Variants in SEMA5A observed in about 807,000 individuals in gnomAD.
SEMA5A encodes the protein semaphorin-5A.
SEMA5A carries 55 observed loss-of-function variants against 135.5 expected under a neutral mutation model. The ratio of observed to expected loss-of-function variants is 0.41; its 90% confidence interval spans 0.33 to 0.51. The LOEUF (loss-of-function observed/expected upper bound fraction) is 0.51, where lower values mean the gene tolerates loss of function less well. Among genes scored for constraint, SEMA5A ranks in the 20% least tolerant of loss-of-function variants. SEMA5A has a pLI of 0.37. For missense variants in SEMA5A, 1,290 were observed against 1,419.9 expected (o/e 0.91, Z 1.47); for synonymous variants, 580 against 546.5 (o/e 1.06, Z -0.85).
chr5:9,293,125 T>A (rs748972157), intron 5 of SEMA5A, among the ~76,000 whole-genome samples: 1 of 152,218 alleles, frequency 6.6e-6, no homozygotes, highest in Non-Finnish European at 1.5e-5. Flanking sequence ...ACTACCACTG[T>A]TCATTTTTCA....
chr5:9,202,373 AGGCC>A, intron 8 of SEMA5A, 133 bp from the exon 9 acceptor site: 11 of 736,780 alleles, frequency 1.5e-5, no homozygotes, highest in South Asian at 4.9e-5. Flanking sequence ...GACTATTGGG[AGGCC>A]CCGTGAGCAG....
At chr5:9,255,749 A>T (rs1186276489) in intron 5 of SEMA5A, among the ~76,000 whole-genome samples, 2 of 152,152 alleles carry the variant, frequency 1.3e-5, no homozygotes, top group Non-Finnish European at 2.9e-5. Flanking sequence ...TATGACAGCA[A>T]ACACCATCAG....
intron 1 of SEMA5A, among the ~76,000 whole-genome samples, chr5:9,506,098 T>G (rs1735866400): frequency 6.6e-6 from 1 of 152,196 alleles, no homozygotes; most frequent in African/African-American, 2.4e-5. Flanking sequence ...TAGAAAGGAT[T>G]AGATAATTTA....
At chr5:9,143,896 A>G (rs555242201) in intron 12 of SEMA5A, among the ~76,000 whole-genome samples, 15 of 152,324 alleles carry the variant, frequency 9.8e-5, no homozygotes, top group African/African-American at 3.4e-4. Context: ...CTCCAGGACA[A>G]AGCCAAGAAA....
chr5:9,131,331 G>A (rs942252423), intron 13 of SEMA5A, among the ~76,000 whole-genome samples: 3 of 152,034 alleles, frequency 2.0e-5, no homozygotes, highest in Non-Finnish European at 4.4e-5. Context: ...ACTCTCAGCT[G>A]GGCGCAGTGG....
At chr5:9,485,133 G>T (rs1734625893) in intron 1 of SEMA5A, among the ~76,000 whole-genome samples, 2 of 151,854 alleles carry the variant, frequency 1.3e-5, no homozygotes, top group Non-Finnish European at 2.9e-5. Flanking sequence ...ATTTTATCTG[G>T]CAACTCTACC....
chr5:9,240,762 T>G (rs1748149053), intron 5 of SEMA5A, among the ~76,000 whole-genome samples: 1 of 152,174 alleles, frequency 6.6e-6, no homozygotes, highest in Admixed American at 6.5e-5. Context: ...TCAGTGAAAA[T>G]TTTTATTATT....
chr5:9,146,193 A>G (rs1344947201), intron 12 of SEMA5A, among the ~76,000 whole-genome samples: 1 of 152,076 alleles, frequency 6.6e-6, no homozygotes, highest in Non-Finnish European at 1.5e-5. Flanking sequence ...GCCCAAGCCT[A>G]CCTTGGAACC....
intron 5 of SEMA5A, among the ~76,000 whole-genome samples, chr5:9,238,686 G>A (rs1442032635): frequency 6.6e-6 from 1 of 151,614 alleles, no homozygotes; most frequent in Non-Finnish European, 1.5e-5. Flanking sequence ...TGCGCAAATT[G>A]AGGCACCTGG....
At chr5:9,355,061 C>T (rs1249624153) in intron 3 of SEMA5A, among the ~76,000 whole-genome samples, 3 of 152,146 alleles carry the variant, frequency 2.0e-5, no homozygotes, top group Non-Finnish European at 4.4e-5. Flanking sequence ...GGTTGGCAAA[C>T]TTGTTGCAAA....
At chr5:9,217,331 G>A (rs1233245944) in intron 8 of SEMA5A, among the ~76,000 whole-genome samples, 1 of 152,062 alleles carries the variant, frequency 6.6e-6, no homozygotes, top group Non-Finnish European at 1.5e-5. Flanking sequence ...AATCTCTTCT[G>A]GCTTGTAGGA....
At chr5:9,069,449 A>G (rs1426424544) in intron 16 of SEMA5A, among the ~76,000 whole-genome samples, 1 of 152,026 alleles carries the variant, frequency 6.6e-6, no homozygotes, top group African/African-American at 2.4e-5. Flanking sequence ...CCCCTCTAAC[A>G]CTGTATTAGT....
chr5:9,328,125 C>G (rs1351315592), intron 4 of SEMA5A, among the ~76,000 whole-genome samples: 1 of 152,170 alleles, frequency 6.6e-6, no homozygotes, highest in Non-Finnish European at 1.5e-5. Flanking sequence ...ACTCCCAAAA[C>G]TCACTGAATG....
At chr5:9,123,128 C>G (rs2150186824) in intron 13 of SEMA5A, among the ~76,000 whole-genome samples, 1 of 151,286 alleles carries the variant, frequency 6.6e-6, no homozygotes, top group South Asian at 2.1e-4. Flanking sequence ...GTGGCGGGTG[C>G]CTGTAGTCCC....
chr5:9,308,401 C>T (rs141687055), intron 5 of SEMA5A, among the ~76,000 whole-genome samples: 2 of 152,200 alleles, frequency 1.3e-5, no homozygotes, highest in East Asian at 3.9e-4. Context: ...GGATTAACAG[C>T]GGTTCTATAT....
intron 5 of SEMA5A, among the ~76,000 whole-genome samples, chr5:9,256,933 G>T (rs1265336084): frequency 1.3e-5 from 2 of 152,210 alleles, no homozygotes; most frequent in African/African-American, 4.8e-5. Flanking sequence ...AATTCATCTT[G>T]CATATCTATG....
At chr5:9,279,502 T>A (rs1195076745) in intron 5 of SEMA5A, among the ~76,000 whole-genome samples, 1 of 152,046 alleles carries the variant, frequency 6.6e-6, no homozygotes, top group East Asian at 1.9e-4. Context: ...AAGCCCTGAT[T>A]GTTTTGGAAA....
intron 16 of SEMA5A, among the ~76,000 whole-genome samples, chr5:9,082,216 G>T (rs1738425669): frequency 6.6e-6 from 1 of 152,164 alleles, no homozygotes; most frequent in South Asian, 2.1e-4. Flanking sequence ...TTTTGAAATT[G>T]TATAGAAGTT....
chr5:9,409,983 T>G (rs1757043302), intron 2 of SEMA5A, among the ~76,000 whole-genome samples: 1 of 152,150 alleles, frequency 6.6e-6, no homozygotes, highest in African/African-American at 2.4e-5. Context: ...GATAAAAAAT[T>G]TTATGTATCT....
Sources: allele counts gnomAD v4.1 joint callset (sites outside exome capture counted in the v4.1 genomes callset), GRCh38; gene constraint gnomAD v4.1.1; transcripts MANE v1.5; gene names NCBI Gene and HGNC (gene_info 2026-07-23, HGNC 2026-07-21).